DBF4: variants seen among roughly 807,000 people sequenced by gnomAD.
DBF4 encodes the protein DBF4-CDC7 kinase regulatory subunit.
In DBF4, 25 loss-of-function variants were observed where a neutral mutation model predicts 76.6. The observed-to-expected ratio is 0.33, with a 90% CI of 0.24 to 0.46. The LOEUF is 0.46. DBF4 is among the 20% of genes least tolerant of loss of function. DBF4 has a pLI of 1.00. For missense variants in DBF4, 638 were observed against 760.8 expected (o/e 0.84, Z 1.90); for synonymous variants, 213 against 258.0 (o/e 0.83, Z 1.67).
intron 2 of DBF4, among the ~76,000 whole-genome samples, chr7:87,883,944 T>G (rs1201395818): frequency 6.6e-6 from 1 of 152,220 alleles, no homozygotes; most frequent in Non-Finnish European, 1.5e-5. Flanking sequence ...TAGTATTTAC[T>G]TCTCCCTATT....
chr7:87,907,075 A>T (rs1839929024), intron 11 of DBF4, 113 bp from the exon 12 acceptor site: 5 of 1,116,246 alleles, frequency 4.5e-6, no homozygotes, highest in Admixed American at 3.5e-5. Context: ...TTCCTAAGTT[A>T]AATAGGTTTC....
Position 87,876,514 on chromosome 7 carries a change from C to G in DBF4, c.-219C>G, listed in dbSNP as rs1363513434. On this transcript the variant is annotated 5_prime_UTR_variant, in exon 1 of 12. Transcript: ENST00000265728. ...TTTCAAATCTTCAACCGCCGCAGCC[C>G]ACTCGTTTGTGCTTTGCGCCTTCCT... The G allele has an allele frequency of 3.6e-6, 2 of 555,590 alleles. No individual in the cohort carries two copies. The highest frequency in any genetic ancestry group is 6.5e-6 in the Non-Finnish European group (2 of 309,160). The allele number at this position is 555,590 out of a possible 1,614,324, so 34.4% of individuals were successfully genotyped here.
At chr7:87,887,869 A>G in intron 5 of DBF4, 114 bp from the exon 6 acceptor site, 4 of 1,059,392 alleles carry the variant, frequency 3.8e-6, no homozygotes, top group South Asian at 3.3e-5. Context: ...AGACCATAGC[A>G]TAAGAGATAC....
chr7:87,898,972 A>G (rs1027884765), intron 8 of DBF4, among the ~76,000 whole-genome samples: 4 of 152,184 alleles, frequency 2.6e-5, no homozygotes, highest in Non-Finnish European at 1.5e-5. Context: ...ATTTTCAACA[A>G]GGGTATGAAG....
chr7:87,897,202 T>G (rs1839663031), intron 7 of DBF4, 92 bp from the exon 8 acceptor site: 2 of 1,224,674 alleles, frequency 1.6e-6, no homozygotes, highest in South Asian at 1.4e-5. Context: ...AGTTTTTTGT[T>G]TGGAGGGTTT....
At chr7:87,880,957 C>T (rs1289318666) in intron 2 of DBF4, among the ~76,000 whole-genome samples, 9 of 152,120 alleles carry the variant, frequency 5.9e-5, no homozygotes, top group Non-Finnish European at 1.3e-4. Flanking sequence ...GTTTGATGTT[C>T]GTCATGATCA....
chr7:87,900,168 C>G (rs1049595712), intron 8 of DBF4, 53 bp from the exon 9 acceptor site: 1 of 1,426,074 alleles, frequency 7.0e-7, no homozygotes, highest in African/African-American at 1.5e-5. Flanking sequence ...AACTTTAAAC[C>G]TTTTTTCTTT....
chr7:87,887,894 T>C (rs1839397689), intron 5 of DBF4, 89 bp from the exon 6 acceptor site: 1 of 1,250,306 alleles, frequency 8.0e-7, no homozygotes, highest in Non-Finnish European at 1.1e-6. Flanking sequence ...AATGGTAAAT[T>C]CTTTATCTAA....
chr7:87,894,864 C>T (rs560714501), intron 6 of DBF4, among the ~76,000 whole-genome samples: 3 of 152,150 alleles, frequency 2.0e-5, no homozygotes, highest in South Asian at 2.1e-4. Flanking sequence ...TTCAGAAGTT[C>T]GATTGTGCCT....
At chr7:87,887,008 C>A in intron 4 of DBF4, 114 bp downstream of exon 4, 1 of 714,112 alleles carries the variant, frequency 1.4e-6, no homozygotes, top group Non-Finnish European at 2.3e-6. Flanking sequence ...AAACCTGAAT[C>A]TCAGCATATA....
intron 10 of DBF4, among the ~76,000 whole-genome samples, chr7:87,903,805 C>T (rs979941233): frequency 1.4e-5 from 2 of 144,644 alleles, no homozygotes; most frequent in Admixed American, 7.4e-5. Flanking sequence ...AGTGATTCTT[C>T]TGCCTCAGCC....
chr7:87,897,582 G>T (rs1030482186), intron 8 of DBF4, among the ~76,000 whole-genome samples: 1 of 152,072 alleles, frequency 6.6e-6, no homozygotes, highest in East Asian at 1.9e-4. Flanking sequence ...TCATGACACC[G>T]TTTTTTTAGT....
At chr7:87,898,421 T>C (rs1227058301) in intron 8 of DBF4, among the ~76,000 whole-genome samples, 4 of 152,176 alleles carry the variant, frequency 2.6e-5, no homozygotes, top group African/African-American at 9.7e-5. Flanking sequence ...TGATGTTTTT[T>C]GCAGAAATAG....
intron 6 of DBF4, among the ~76,000 whole-genome samples, chr7:87,894,751 G>A (rs1839589844): frequency 6.6e-6 from 1 of 152,118 alleles, no homozygotes; most frequent in Non-Finnish European, 1.5e-5. Flanking sequence ...TGGTCTCCAT[G>A]GATTCTGACG....
chr7:87,887,818 G>T, intron 5 of DBF4, 165 bp from the exon 6 acceptor site: 1 of 636,126 alleles, frequency 1.6e-6, no homozygotes, highest in South Asian at 2.8e-5. Flanking sequence ...GTCACACTGG[G>T]GGTTAAATTT....
chr7:87,903,085 T>C (rs1179751335), intron 10 of DBF4, among the ~76,000 whole-genome samples: 1 of 152,178 alleles, frequency 6.6e-6, no homozygotes, highest in East Asian at 1.9e-4. Context: ...TTTTGTTTTG[T>C]TTTTTGTTTT....
chr7:87,880,955 T>C (rs1003104120), intron 2 of DBF4, among the ~76,000 whole-genome samples: 2 of 152,246 alleles, frequency 1.3e-5, no homozygotes, highest in African/African-American at 4.8e-5. Context: ...ATGTTTGATG[T>C]TCGTCATGAT....
chr7:87,890,396 G>A (rs917289569), intron 6 of DBF4, among the ~76,000 whole-genome samples: 5 of 152,008 alleles, frequency 3.3e-5, no homozygotes, highest in African/African-American at 1.2e-4. Context: ...GCCCGGTGTG[G>A]TGGTGCATGC....
At chr7:87,892,715 G>GT (rs1445934902) in intron 6 of DBF4, among the ~76,000 whole-genome samples, 2 of 152,090 alleles carry the variant, frequency 1.3e-5, no homozygotes, top group Non-Finnish European at 1.5e-5. Flanking sequence ...ATGAATGAGA[G>GT]TTCCTGTTGC....
Sources: gnomAD v4.1 joint callset for allele counts (sites outside exome capture counted in the v4.1 genomes callset) on GRCh38, gnomAD v4.1.1 for gene constraint, MANE v1.5 for transcripts, NCBI Gene and HGNC (gene_info 2026-07-23, HGNC 2026-07-21) for gene names.